The following RAB19 variants were observed in gnomAD, a reference collection of about 807,000 sequenced individuals.
RAB19 encodes the protein ras-related protein Rab-19.
Under a neutral mutation model 17.3 loss-of-function variants are expected in RAB19, and 21 were observed. That is an observed-to-expected ratio of 1.21 (90% CI 0.86 to 1.74). The LOEUF is 1.74. Ranked by LOEUF, RAB19 falls within the 40% of genes most tolerant of loss-of-function variation. The pLI is 0.00. For missense variants in RAB19, 277 were observed against 286.8 expected, an observed-to-expected ratio of 0.97 and a Z score of 0.25; for synonymous variants, 126 against 110.4, an observed-to-expected ratio of 1.14 and a Z score of -0.88.
intron 2 of RAB19, among the ~76,000 whole-genome samples, chr7:140,411,453 A>G (rs938780666): frequency 2.6e-5 from 4 of 152,052 alleles, no homozygotes; most frequent in African/African-American, 9.7e-5. Flanking sequence ...CGGCTGTCCA[A>G]GCTTCTGGTT....
intron 1 of RAB19, among the ~76,000 whole-genome samples, chr7:140,407,205 A>G (rs1022713132): frequency 6.6e-6 from 1 of 152,138 alleles, no homozygotes; most frequent in African/African-American, 2.4e-5. Context: ...GTCTTACAGC[A>G]GTTGGGAATC....
In RAB19 at chr7:140,407,884, T is replaced by TC. The variant is rs1162981057; in HGVS notation, c.201+37_201+38insC. The TC allele has an allele frequency of 1.1e-5, 4 of 369,612 alleles. No individual in the cohort carries two copies. The African/African-American group carries it at 1.4e-4, about 13-fold the overall frequency. The allele number at this position is 369,612 out of a possible 1,614,324, so 22.9% of individuals were successfully genotyped here. A position where few individuals can be genotyped will look rare whatever the true frequency, so the allele number is the denominator to read the frequency against. ...CCGGGACGGGACTGGTTCCACCTTT[T>TC]TTTTTTTTTTTTTTTTTTTTTTCCT... is the stretch of plus-strand genomic sequence containing the variant. On this transcript the variant is annotated intron_variant, in intron 2 of 3. Coordinates refer to ENST00000537763, the MANE Select transcript of RAB19 (RefSeq NM_001008749.3).
intron 3 of RAB19, among the ~76,000 whole-genome samples, chr7:140,416,741 C>T (rs962474287): frequency 1.3e-5 from 2 of 152,138 alleles, no homozygotes; most frequent in Non-Finnish European, 2.9e-5. Context: ...CCGTGGACAT[C>T]AGCACTGTTG....
chr7:140,417,314 A>G (rs1357182747), intron 3 of RAB19, among the ~76,000 whole-genome samples: 3 of 151,404 alleles, frequency 2.0e-5, no homozygotes, highest in Non-Finnish European at 4.4e-5. Context: ...AGGTGGGCAC[A>G]TTGCTTGAGG....
chr7:140,424,637 A>ATGTGTGTGTG (rs1443589641), intron 3 of RAB19, among the ~76,000 whole-genome samples: 6 of 120,768 alleles, frequency 5.0e-5, no homozygotes, highest in African/African-American at 2.1e-4. Context: ...ATATATATAT[A>ATGTGTGTGTG]TATGTGTGTG....
intron 3 of RAB19, among the ~76,000 whole-genome samples, chr7:140,412,454 G>A (rs1018047770): frequency 1.5e-4 from 23 of 151,614 alleles, no homozygotes; most frequent in African/African-American, 5.6e-4. Flanking sequence ...TCCGTCGGGG[G>A]GAAAAAAAAT....
intron 2 of RAB19, among the ~76,000 whole-genome samples, chr7:140,409,789 T>C (rs567447030): frequency 4.6e-4 from 70 of 151,864 alleles, no homozygotes; most frequent in African/African-American, 1.6e-3. Context: ...GTCAGGAGAT[T>C]GAGACCATCC....
intron 3 of RAB19, among the ~76,000 whole-genome samples, chr7:140,416,343 C>G (rs1368604857): frequency 1.3e-5 from 2 of 151,438 alleles, no homozygotes; most frequent in Non-Finnish European, 2.9e-5. Context: ...ATCAATCAAT[C>G]AATCAAACAA....
chr7:140,408,533 G>A (rs969566455), intron 2 of RAB19, among the ~76,000 whole-genome samples: 2 of 151,820 alleles, frequency 1.3e-5, no homozygotes, highest in African/African-American at 4.8e-5. Flanking sequence ...TGGAGTGCAG[G>A]AGCACAGTTT....
intron 3 of RAB19, among the ~76,000 whole-genome samples, chr7:140,423,397 G>T (rs548649262): frequency 9.4e-5 from 14 of 149,548 alleles, no homozygotes; most frequent in African/African-American, 3.5e-4. Context: ...CCAAGATGGT[G>T]CCACTGTACT....
intron 2 of RAB19, among the ~76,000 whole-genome samples, chr7:140,409,890 G>A (rs1585416076): frequency 6.6e-6 from 1 of 150,586 alleles, no homozygotes; most frequent in South Asian, 2.1e-4. Flanking sequence ...CTACTTGGGA[G>A]GCTGAGGCAG....
At chr7:140,410,313 CTTTTTTT>C (rs762151021) in intron 2 of RAB19, among the ~76,000 whole-genome samples, 8 of 81,034 alleles carry the variant, frequency 9.9e-5, no homozygotes, top group East Asian at 4.3e-4. Context: ...TTGTATTTTT[CTTTTTTT>C]TTTTTTTTTT....
intron 3 of RAB19, among the ~76,000 whole-genome samples, chr7:140,417,134 G>A (rs1485169664): frequency 2.6e-5 from 4 of 151,312 alleles, no homozygotes; most frequent in Admixed American, 2.6e-4. Context: ...TACTTGGGAG[G>A]CTGAGGCACA....
rs199662817 is a variant in RAB19 at position 140,409,040 on chromosome 7, G to T, written c.201+1193G>T. Among the ~76,000 whole-genome samples, 5 of 152,262 alleles carry T rather than the reference G, an allele frequency of 3.3e-5. No individual in the cohort carries two copies. The East Asian group carries it at 9.7e-4, about 30-fold the overall frequency. Reference sequence around the variant, plus strand: ...CTCCCAAAGTGCCGGGATTACAGGCGTGAGCCACCAAACCTGGCCTTAAAA... The same window carrying T: ...CTCCCAAAGTGCCGGGATTACAGGCTTGAGCCACCAAACCTGGCCTTAAAA... On this transcript the variant is annotated intron_variant, in intron 2 of 3. Coordinates refer to ENST00000537763, the MANE Select transcript of RAB19 (RefSeq NM_001008749.3).
intron 2 of RAB19, chr7:140,410,904 G>A: frequency 2.2e-6 from 3 of 1,363,630 alleles, no homozygotes; most frequent in Non-Finnish European, 2.9e-6. Flanking sequence ...CGCTTGGGTG[G>A]CTAATTTGGG....
rs1181182463 is a variant in RAB19 at position 140,413,916 on chromosome 7, C to T, written c.385+1859C>T. Among the ~76,000 whole-genome samples, 5 of 152,196 alleles carry T rather than the reference C, an allele frequency of 3.3e-5. No homozygotes were observed. The South Asian group carries it at 6.2e-4, about 19-fold the overall frequency. On this transcript the variant is annotated intron_variant, in intron 3 of 3. Coordinates refer to ENST00000537763, the MANE Select transcript of RAB19 (RefSeq NM_001008749.3). ...GAATGAAGCAGTTCTAAGCTACATG[C>T]GGTTTCCCCAGGAATGTGGACCAGA...
chr7:140,410,979 T>A, intron 2 of RAB19: 2 of 1,367,832 alleles, frequency 1.5e-6, no homozygotes, highest in Non-Finnish European at 2.0e-6. Context: ...TCAGAACAGT[T>A]CGGCCAGTAT....
rs10548906 is a variant in RAB19 at position 140,424,655 on chromosome 7, A to G, written c.386-1227A>G. On this transcript the variant is annotated intron_variant, in intron 3 of 3. Transcript: ENST00000537763. ...TATATATATATGTGTGTGTGTATAT[A>G]TGTGTGTGTATATATATATATATAT... is the stretch of plus-strand genomic sequence containing the variant. 2.2e-4 allele frequency among the ~76,000 whole-genome samples: 24 copies of G among 111,486 alleles called. 1 individual carries two copies. The highest frequency in any genetic ancestry group is 1.0e-3 in the African/African-American group (22 of 21,734). The allele number at this position is 111,486 out of a possible 152,430, so 73.1% of individuals were successfully genotyped here.
At chr7:140,404,347 C>G (rs1254516975) in intron 1 of RAB19, 130 bp downstream of exon 1, 2 of 152,142 alleles carry the variant, frequency 1.3e-5, no homozygotes, top group Non-Finnish European at 2.9e-5. Flanking sequence ...AGTGGAAACC[C>G]TGAGGACTCC....
Sources: allele counts gnomAD v4.1 joint callset (sites outside exome capture counted in the v4.1 genomes callset), GRCh38; gene constraint gnomAD v4.1.1; transcripts MANE v1.5; gene names NCBI Gene and HGNC (gene_info 2026-07-23, HGNC 2026-07-21).